Variants in CPXM2 observed in about 807,000 individuals in gnomAD.
The protein encoded by CPXM2 is inactive carboxypeptidase-like protein X2.
Under a neutral mutation model 86.1 loss-of-function variants are expected in CPXM2, and 66 were observed. The ratio of observed to expected loss-of-function variants is 0.77; its 90% confidence interval spans 0.63 to 0.94. CPXM2 has a LOEUF of 0.94. Ranked by LOEUF, CPXM2 falls within the 40% of genes least tolerant of loss-of-function variation. The pLI is 0.00. For synonymous variants in CPXM2, 388 were observed against 400.2 expected (o/e 0.97, Z 0.36); for missense variants, 948 against 1,026.3 (o/e 0.92, Z 1.04).
chr10:123,841,052 T>C lies in CPXM2; in HGVS notation c.653+1297A>G, dbSNP rs116537352. ...GGGAGGACTGCAGACGGGAGGGATC[T>C]GAGCTCACAAAGATCACAGTTTCCT... On this transcript the variant is annotated intron_variant, in intron 4 of 13. Transcript: ENST00000241305. 4.1e-3 allele frequency among the ~76,000 whole-genome samples: 625 copies of C among 152,354 alleles called. 5 individuals are homozygous for C. Among genetic ancestry groups the C allele is most frequent in the African/African-American group, 0.014 (583 of 41,576 alleles).
intron 4 of CPXM2, among the ~76,000 whole-genome samples, chr10:123,827,330 G>C (rs1311878356): frequency 6.6e-6 from 1 of 152,076 alleles, no homozygotes; most frequent in East Asian, 1.9e-4. Context: ...AGAAAATGAA[G>C]GAAGATTTCA....
chr10:123,757,641 T>C (rs757703908), intron 11 of CPXM2, among the ~76,000 whole-genome samples: 1 of 152,240 alleles, frequency 6.6e-6, no homozygotes, highest in Non-Finnish European at 1.5e-5. Flanking sequence ...GATAAAATAC[T>C]TTATTAAAGT....
chr10:123,861,399 G>A (rs1848846019), intron 3 of CPXM2, among the ~76,000 whole-genome samples: 1 of 152,212 alleles, frequency 6.6e-6, no homozygotes, highest in Non-Finnish European at 1.5e-5. Flanking sequence ...GCAGGAGGTG[G>A]GGCAGGAACA....
intron 6 of CPXM2, among the ~76,000 whole-genome samples, chr10:123,791,577 C>T (rs1207309044): frequency 6.6e-6 from 1 of 152,228 alleles, no homozygotes; most frequent in Non-Finnish European, 1.5e-5. Flanking sequence ...CGTCACATGG[C>T]ATTCTCCCTG....
chr10:123,786,103 C>T (rs921315997), intron 6 of CPXM2, among the ~76,000 whole-genome samples: 1 of 152,216 alleles, frequency 6.6e-6, no homozygotes, highest in Non-Finnish European at 1.5e-5. Flanking sequence ...ATATGACCTA[C>T]ATTTGGCCAA....
Position 123,891,311 on chromosome 10 carries a change from A to G in CPXM2, c.304+45T>C. On this transcript the variant is annotated intron_variant, in intron 1 of 13. Coordinates refer to ENST00000241305, the MANE Select transcript of CPXM2 (RefSeq NM_198148.3). This position sits in a 1 kb window ranked among gnomAD's most constrained non-coding sequence, Gnocchi z 5.6. ...GCCAGTTGTCCCCTGGAGGCGCGCAACCACCGGCGCCCCCTCGGGCTGCCC... is the reference window on the plus strand; with the variant it reads ...GCCAGTTGTCCCCTGGAGGCGCGCAGCCACCGGCGCCCCCTCGGGCTGCCC... The G allele has an allele frequency of 7.0e-7, 1 of 1,426,098 alleles. No homozygotes were observed. The highest frequency in any genetic ancestry group is 9.3e-7 in the Non-Finnish European group (1 of 1,077,930). 88.3% of individuals were successfully genotyped at this position (1,426,098 alleles called of 1,614,324 possible).
rs143612832 is a variant in CPXM2, at chr10:123,746,926, A to G, written c.2109T>C (p.Cys703=). The G allele has an allele frequency of 2.3e-4, 373 of 1,614,172 alleles. No homozygotes were observed. In the East Asian group the frequency reaches 8.1e-3, roughly 35 times the overall value. The change falls in exon 14 of 14, where the codon TGT becomes TGC. Residue 703 remains cysteine (C), a synonymous_variant. Transcript: ENST00000241305. ...AEGFTASTKN[C]MVGYDMGATR... ...TGGCCCCCATGTCATAGCCAACCAT[A>G]CAGTTCTTGGTGGATGCAGTGAAAC...
chr10:123,922,509 T>G (rs899602471), intron 2 of CPXM2, among the ~76,000 whole-genome samples: 3 of 152,216 alleles, frequency 2.0e-5, no homozygotes, highest in Admixed American at 2.0e-4. Flanking sequence ...CAACACTGAC[T>G]AAGTGCTGGA....
chr10:123,825,253 G>A (rs540680416), intron 4 of CPXM2, among the ~76,000 whole-genome samples: 2 of 152,156 alleles, frequency 1.3e-5, no homozygotes, highest in African/African-American at 4.8e-5. Context: ...AGAGAGGAAG[G>A]GGGCAGGGTG....
At chr10:123,883,418 T>C (rs1170398287) in intron 1 of CPXM2, among the ~76,000 whole-genome samples, 1 of 152,198 alleles carries the variant, frequency 6.6e-6, no homozygotes, top group Non-Finnish European at 1.5e-5. Context: ...ATCACCTCTC[T>C]ACACTTCAGT....
At chr10:123,781,525 T>A (rs995576936) in intron 6 of CPXM2, among the ~76,000 whole-genome samples, 7 of 152,132 alleles carry the variant, frequency 4.6e-5, no homozygotes, top group African/African-American at 1.7e-4. Flanking sequence ...CTCCCTCCAA[T>A]GCAGAGAACC....
chr10:123,920,794 G>A (rs1945573450), intron 2 of CPXM2, among the ~76,000 whole-genome samples: 1 of 152,132 alleles, frequency 6.6e-6, no homozygotes, highest in African/African-American at 2.4e-5. Flanking sequence ...CTCAGGAGTG[G>A]GTTAGTTATT....
chr10:123,819,381 G>A (rs1336950642), intron 4 of CPXM2, among the ~76,000 whole-genome samples: 1 of 152,184 alleles, frequency 6.6e-6, no homozygotes, highest in Non-Finnish European at 1.5e-5. Context: ...TGACCTGCTG[G>A]GGTGCTTGCT....
upstream of CPXM2, among the ~76,000 whole-genome samples, chr10:123,893,751 A>C (rs570306734): frequency 6.6e-6 from 1 of 151,370 alleles, no homozygotes; most frequent in East Asian, 2.0e-4. Context: ...ACGACAACAC[A>C]GTCTTTAGTG....
At chr10:123,817,074 C>T (rs1263136899) in intron 4 of CPXM2, among the ~76,000 whole-genome samples, 1 of 152,190 alleles carries the variant, frequency 6.6e-6, no homozygotes. Flanking sequence ...GCATTTGGCC[C>T]CTCCTACAAC....
intron 4 of CPXM2, among the ~76,000 whole-genome samples, chr10:123,831,331 G>C (rs1440167333): frequency 6.6e-6 from 1 of 152,204 alleles, no homozygotes; most frequent in Non-Finnish European, 1.5e-5. Context: ...TCCTAAAGAA[G>C]AGAGAGAAGT....
chr10:123,746,734 T>A lies in CPXM2; in HGVS notation c.*30A>T. 1 of 1,610,248 alleles carries A rather than the reference T, an allele frequency of 6.2e-7. No homozygotes were observed. Among genetic ancestry groups the A allele is most frequent in the South Asian group, 1.1e-5 (1 of 90,730 alleles). ...ACCAGGTTGGTTTAATTTGCATGGG[T>A]CCCAGACGAGTCTCAAGGGCCCAGG... On this transcript the variant is annotated 3_prime_UTR_variant, in exon 14 of 14. Transcript: ENST00000241305.
At chr10:123,920,061 C>T (rs998457278) in intron 2 of CPXM2, among the ~76,000 whole-genome samples, 1 of 152,190 alleles carries the variant, frequency 6.6e-6, no homozygotes, top group Admixed American at 6.5e-5. Context: ...CCTTTTCCAA[C>T]AGCAGGGGAT....
At chr10:123,859,166 A>G (rs1466867992) in intron 3 of CPXM2, among the ~76,000 whole-genome samples, 1 of 152,246 alleles carries the variant, frequency 6.6e-6, no homozygotes, top group African/African-American at 2.4e-5. Flanking sequence ...TATTAAACAC[A>G]GTTTCTAATT....
Sources: allele counts gnomAD v4.1 joint callset (sites outside exome capture counted in the v4.1 genomes callset), GRCh38; gene constraint gnomAD v4.1.1; non-coding constraint Gnocchi (gnomAD v3.1); transcripts MANE v1.5; gene names NCBI Gene and HGNC (gene_info 2026-07-23, HGNC 2026-07-21).